Variants in LRGUK observed in about 807,000 individuals in gnomAD.
The protein encoded by LRGUK is leucine-rich repeat and guanylate kinase domain-containing protein.
In LRGUK, 65 loss-of-function variants were observed where a neutral mutation model predicts 76.0. The observed-to-expected ratio is 0.85, with a 90% confidence interval of 0.70 to 1.05. The LOEUF is 1.05. LRGUK is among the 50% of genes least tolerant of loss of function. LRGUK has a pLI of 0.00. For missense variants in LRGUK, 758 were observed against 732.8 expected, an observed-to-expected ratio of 1.03 and a Z score of -0.40; for synonymous variants, 268 against 265.6, an observed-to-expected ratio of 1.01 and a Z score of -0.09.
chr7:134,208,066 G>A (rs900863508), intron 15 of LRGUK, among the ~76,000 whole-genome samples: 2 of 152,168 alleles, frequency 1.3e-5, no homozygotes, highest in Non-Finnish European at 2.9e-5. Flanking sequence ...GAGGAGGCCT[G>A]GGGATGTGAG....
chr7:134,141,995 C>T (rs181189342), intron 3 of LRGUK, among the ~76,000 whole-genome samples: 248 of 152,240 alleles, frequency 1.6e-3, no homozygotes, highest in African/African-American at 5.7e-3. Context: ...CCAGGAGGCC[C>T]CTTACATAGC....
At chr7:134,255,073 A>T (rs1802541974) in intron 18 of LRGUK, among the ~76,000 whole-genome samples, 1 of 152,202 alleles carries the variant, frequency 6.6e-6, no homozygotes, top group African/African-American at 2.4e-5. Context: ...AAATTAATTC[A>T]GTGGATAAAG....
chr7:134,178,476 C>T lies in LRGUK; in HGVS notation c.1108-27C>T, dbSNP rs375708425. On this transcript the variant is annotated intron_variant, in intron 9 of 15. Transcript: ENST00000645682. ...CTTTTTAGAAACAAAACTTTTTTTC[C>T]CTTTTACATCTCTAATTCTGGAAAA... 8.4e-6 allele frequency: 13 copies of T among 1,547,796 alleles called. No individual in the cohort carries two copies. In the African/African-American group the frequency reaches 1.4e-4, roughly 16 times the overall value.
intron 16 of LRGUK, among the ~76,000 whole-genome samples, chr7:134,229,031 A>C (rs1801826948): frequency 6.6e-6 from 1 of 152,186 alleles, no homozygotes; most frequent in South Asian, 2.1e-4. Flanking sequence ...AACATATAAA[A>C]ATAAATTTCT....
At chr7:134,191,228 G>C (rs899435146) in intron 11 of LRGUK, among the ~76,000 whole-genome samples, 2 of 152,166 alleles carry the variant, frequency 1.3e-5, no homozygotes, top group Non-Finnish European at 2.9e-5. Flanking sequence ...ATTTTTGGAG[G>C]GGTGACATTT....
exon 1 of LRGUK, chr7:134,127,542 T>C (rs1356415407): frequency 6.2e-7 from 1 of 1,614,120 alleles, no homozygotes; most frequent in Non-Finnish European, 8.5e-7. Flanking sequence ...CATAGCCTCC[T>C]CCTACCTGCT....
chr7:134,250,452 A>T lies in LRGUK; in HGVS notation c.2198+1376A>T, dbSNP rs572432623. 8.5e-5 allele frequency among the ~76,000 whole-genome samples: 13 copies of T among 152,300 alleles called. 1 individual carries two copies. Among genetic ancestry groups the T allele is most frequent in the South Asian group, 8.3e-4 (4 of 4,824 alleles). On this transcript the variant is annotated intron_variant, in intron 18 of 19. Coordinates refer to the LRGUK transcript ENST00000285928. ...TGAGCATTTTTATAATTTTTGAAGC[A>T]TTAGCATAACTTTACAAAGTTATTT...
At chr7:134,221,657 A>T in intron 15 of LRGUK, 122 bp from the exon 16 acceptor site, 1 of 613,094 alleles carries the variant, frequency 1.6e-6, no homozygotes, top group Admixed American at 4.0e-5. Context: ...TAAAGTTGAA[A>T]TGCGCACATT....
intron 14 of LRGUK, among the ~76,000 whole-genome samples, chr7:134,199,844 T>C (rs923461920): frequency 9.9e-5 from 15 of 151,018 alleles, no homozygotes; most frequent in African/African-American, 3.6e-4. Flanking sequence ...ATAAACATTT[T>C]CAGAAACTAG....
chr7:134,132,867 C>T (rs922971405), intron 1 of LRGUK, among the ~76,000 whole-genome samples: 2 of 152,172 alleles, frequency 1.3e-5, no homozygotes, highest in Admixed American at 6.5e-5. Flanking sequence ...CTGAGAGCTT[C>T]CGTTTTGCCT....
chr7:134,242,350 A>G (rs1180053372), intron 16 of LRGUK, among the ~76,000 whole-genome samples: 1 of 152,224 alleles, frequency 6.6e-6, no homozygotes, highest in Non-Finnish European at 1.5e-5. Context: ...AATAGATGCA[A>G]TAAAAAATGA....
chr7:134,218,232 G>T (rs1025555596), intron 15 of LRGUK, among the ~76,000 whole-genome samples: 4 of 152,184 alleles, frequency 2.6e-5, no homozygotes, highest in Non-Finnish European at 4.4e-5. Flanking sequence ...AAAGTGCTGG[G>T]ATTACAAAGC....
chr7:134,134,680 TA>T (rs890983050), intron 1 of LRGUK, among the ~76,000 whole-genome samples: 2 of 152,206 alleles, frequency 1.3e-5, no homozygotes, highest in Non-Finnish European at 2.9e-5. Flanking sequence ...AGATGAACTT[TA>T]AAGGGCTAGG....
chr7:134,257,260 C>T (rs1053354301), intron 18 of LRGUK, among the ~76,000 whole-genome samples: 14 of 152,152 alleles, frequency 9.2e-5, no homozygotes, highest in Admixed American at 2.0e-4. Flanking sequence ...CAGCCATTTT[C>T]GTGTGATCAA....
At position 134,199,594 on chromosome 7, in the gene LRGUK, G is replaced by A. The variant is rs548188618; in HGVS notation, c.1747+173G>A. On this transcript the variant is annotated intron_variant, in intron 14 of 15. Coordinates refer to ENST00000645682, the Ensembl canonical transcript of LRGUK. ...AGGTCTAATCTTCCACTGTTTTAAT[G>A]AGAGCATTGTCTCAATTATTTCTTA... Among the ~76,000 whole-genome samples the A allele has an allele frequency of 2.0e-5, 3 of 152,202 alleles. No homozygotes were observed. In the South Asian group the frequency reaches 6.2e-4, roughly 32 times the overall value.
At chr7:134,159,074 A>C (rs186467252) in intron 6 of LRGUK, among the ~76,000 whole-genome samples, 1 of 152,254 alleles carries the variant, frequency 6.6e-6, no homozygotes, top group East Asian at 1.9e-4. Flanking sequence ...ACTGCAACTC[A>C]TGCCTGTAAT....
At chr7:134,226,729 G>A (rs1022565280) in intron 16 of LRGUK, among the ~76,000 whole-genome samples, 6 of 152,188 alleles carry the variant, frequency 3.9e-5, no homozygotes, top group Admixed American at 2.6e-4. Context: ...AGTACATACA[G>A]AGAAATAATA....
intron 15 of LRGUK, among the ~76,000 whole-genome samples, chr7:134,220,257 G>T: frequency 6.6e-6 from 1 of 151,932 alleles, no homozygotes; most frequent in Admixed American, 6.6e-5. Flanking sequence ...TATAGTCCTC[G>T]CCCATTTGTT....
Position 134,174,658 on chromosome 7 carries a change from G to A in LRGUK, c.1020+22G>A, listed in dbSNP as rs780059225. 1.7e-5 allele frequency: 23 copies of A among 1,372,504 alleles called. No homozygotes were observed. The African/African-American group carries it at 3.3e-4, about 20-fold the overall frequency. The allele number at this position is 1,372,504 out of a possible 1,614,324, so 85.0% of individuals were successfully genotyped here. Reference sequence around the variant, plus strand: ...TCAGGTGAGACATTATTTATATCAGGGAGGGAGACAGAGAAGAAAGTGGGA... The same window carrying A: ...TCAGGTGAGACATTATTTATATCAGAGAGGGAGACAGAGAAGAAAGTGGGA... On this transcript the variant is annotated intron_variant, in intron 8 of 15. Transcript: ENST00000645682.
Sources: gnomAD v4.1 joint callset for allele counts (sites outside exome capture counted in the v4.1 genomes callset) on GRCh38, gnomAD v4.1.1 for gene constraint, MANE v1.5 for transcripts, NCBI Gene and HGNC (gene_info 2026-07-23, HGNC 2026-07-21) for gene names.